CSGALNACT1: variants seen among roughly 807,000 people sequenced by gnomAD.
CSGALNACT1 encodes the protein beta4GalNAcT-1.
CSGALNACT1 carries 52 observed loss-of-function variants against 51.0 expected under a neutral mutation model. That is an observed-to-expected ratio of 1.02 (90% confidence interval 0.82 to 1.29). The LOEUF is 1.29. CSGALNACT1 is among the 50% of genes most tolerant of loss of function. The pLI, the probability that CSGALNACT1 is intolerant of heterozygous loss-of-function variation, is 0.00. For missense variants in CSGALNACT1, 935 were observed against 679.2 expected (o/e 1.38, Z -4.19); for synonymous variants, 341 against 254.4 (o/e 1.34, Z -3.24).
chr8:19,554,473 T>C (rs1008798906), intron 3 of CSGALNACT1, among the ~76,000 whole-genome samples: 3 of 85,392 alleles, frequency 3.5e-5, no homozygotes, highest in Non-Finnish European at 6.8e-5. Context: ...TGAAGGAAGA[T>C]ATAAAATAGA....
At chr8:19,645,332 G>C (rs928908204) in intron 1 of CSGALNACT1, among the ~76,000 whole-genome samples, 1 of 152,214 alleles carries the variant, frequency 6.6e-6, no homozygotes, top group African/African-American at 2.4e-5. Flanking sequence ...TGAAGACATG[G>C]AGAATACTGT....
At chr8:19,416,335 G>A (rs557765589) in intron 8 of CSGALNACT1, among the ~76,000 whole-genome samples, 10 of 152,086 alleles carry the variant, frequency 6.6e-5, no homozygotes, top group South Asian at 2.1e-4. Flanking sequence ...GGCTGGTCTC[G>A]AACTCCTGAC....
At chr8:19,678,558 T>C (rs1236288765) in intron 1 of CSGALNACT1, 13 of 152,246 alleles carry the variant, frequency 8.5e-5, no homozygotes, top group African/African-American at 3.1e-4. Flanking sequence ...CCCAGCTCAT[T>C]AAGCAGAGAA....
exon 7 of CSGALNACT1, chr8:19,420,422 G>A (rs1413014275): frequency 1.2e-6 from 2 of 1,614,040 alleles, no homozygotes; most frequent in Non-Finnish European, 1.7e-6. Context: ...GAAGGACGTT[G>A]CTTCCCTTCC....
intron 3 of CSGALNACT1, among the ~76,000 whole-genome samples, chr8:19,579,979 T>G (rs2045205824): frequency 3.3e-5 from 5 of 152,218 alleles, no homozygotes; most frequent in Admixed American, 3.3e-4. Context: ...GTTTGCTGTT[T>G]GCAGACTTTG....
intron 1 of CSGALNACT1, among the ~76,000 whole-genome samples, chr8:19,613,105 C>T (rs1279058613): frequency 1.3e-5 from 2 of 151,856 alleles, no homozygotes; most frequent in Non-Finnish European, 2.9e-5. Flanking sequence ...TGTGTGATAA[C>T]TACTTTCACA....
At chr8:19,459,286 G>A (rs113022708) in intron 4 of CSGALNACT1, among the ~76,000 whole-genome samples, 1 of 150,930 alleles carries the variant, frequency 6.6e-6, no homozygotes, top group Non-Finnish European at 1.5e-5. Context: ...GGGAGGCTGA[G>A]GCAGGAGAAT....
intron 1 of CSGALNACT1, among the ~76,000 whole-genome samples, chr8:19,734,935 C>A (rs1180930727): frequency 6.6e-6 from 1 of 151,844 alleles, no homozygotes; most frequent in Non-Finnish European, 1.5e-5. Context: ...ACTGTCAGAG[C>A]CCTGAAATAA....
At chr8:19,468,391 G>A (rs544499735) in intron 4 of CSGALNACT1, among the ~76,000 whole-genome samples, 3 of 152,286 alleles carry the variant, frequency 2.0e-5, no homozygotes, top group East Asian at 1.9e-4. Flanking sequence ...GGAGCGGGAC[G>A]AGGGGTCACA....
At chr8:19,477,414 T>C (rs1175796598) in intron 4 of CSGALNACT1, among the ~76,000 whole-genome samples, 3 of 152,124 alleles carry the variant, frequency 2.0e-5, no homozygotes, top group Non-Finnish European at 4.4e-5. Context: ...CTAGAAAACT[T>C]TTCCAGCGGA....
chr8:19,667,285 A>G (rs559111729), intron 1 of CSGALNACT1, among the ~76,000 whole-genome samples: 1 of 151,584 alleles, frequency 6.6e-6, no homozygotes, highest in South Asian at 2.1e-4. Flanking sequence ...AAATACAAAA[A>G]TTAGCTGGGT....
rs117797169 is a variant in CSGALNACT1, at chr8:19,635,418, C to T, written c.-543-33553G>A. On this transcript the variant is annotated intron_variant, in intron 1 of 9. Transcript: ENST00000332246. Reference sequence around the variant, plus strand: ...CCTGCCTACTGGTGTTTTTCCTCAACGCTTTGATCTAGGCCTGTTGCCCTA... The same window carrying T: ...CCTGCCTACTGGTGTTTTTCCTCAATGCTTTGATCTAGGCCTGTTGCCCTA... 3.0e-3 allele frequency among the ~76,000 whole-genome samples: 451 copies of T among 152,330 alleles called. 10 individuals carry two copies. The East Asian group carries it at 0.032, about 11-fold the overall frequency.
At chr8:19,682,524 G>T (rs371291966) in exon 1 of CSGALNACT1, 1 of 410,002 alleles carries the variant, frequency 2.4e-6, no homozygotes. Context: ...GCCCGGGGAC[G>T]TATGGTCTTT....
intron 3 of CSGALNACT1, among the ~76,000 whole-genome samples, chr8:19,579,669 T>G (rs1373835878): frequency 6.6e-6 from 1 of 152,248 alleles, no homozygotes; most frequent in Non-Finnish European, 1.5e-5. Flanking sequence ...TCTAGCATGT[T>G]CAACACTGAA....
chr8:19,634,357 C>A (rs6987926), intron 1 of CSGALNACT1, among the ~76,000 whole-genome samples: 2 of 152,028 alleles, frequency 1.3e-5, no homozygotes, highest in African/African-American at 4.8e-5. Context: ...ATGGGATTAG[C>A]GCCCTTACAA....
upstream of CSGALNACT1, among the ~76,000 whole-genome samples, chr8:19,686,278 G>A (rs368712016): frequency 5.9e-5 from 9 of 152,158 alleles, no homozygotes; most frequent in East Asian, 9.7e-4. Context: ...TGATAACAAC[G>A]GATGGACTGA....
chr8:19,615,987 A>C (rs1357753949), intron 1 of CSGALNACT1, among the ~76,000 whole-genome samples: 3 of 152,232 alleles, frequency 2.0e-5, no homozygotes, highest in Non-Finnish European at 4.4e-5. Context: ...GCATATCCAT[A>C]TCATCAACTC....
At chr8:19,616,208 G>A (rs181046067) in intron 1 of CSGALNACT1, among the ~76,000 whole-genome samples, 1 of 152,132 alleles carries the variant, frequency 6.6e-6, no homozygotes, top group Admixed American at 6.5e-5. Flanking sequence ...ACTAGAAAAA[G>A]AAATACTCTG....
chr8:19,450,640 T>A (rs1036187699), intron 5 of CSGALNACT1, among the ~76,000 whole-genome samples: 1 of 152,164 alleles, frequency 6.6e-6, no homozygotes, highest in African/African-American at 2.4e-5. Context: ...CTCACGCCTG[T>A]AATCCCAACA....
Sources: allele counts gnomAD v4.1 joint callset (sites outside exome capture counted in the v4.1 genomes callset), GRCh38; gene constraint gnomAD v4.1.1; transcripts MANE v1.5; gene names NCBI Gene and HGNC (gene_info 2026-07-23, HGNC 2026-07-21).